UBIAD1: variants seen among roughly 807,000 people sequenced by gnomAD.
UBIAD1 encodes ubiA prenyltransferase domain-containing protein 1.
A neutral mutation model predicts 20.1 loss-of-function variants in UBIAD1; 12 were observed. The ratio of observed to expected loss-of-function variants is 0.60; its 90% CI spans 0.38 to 0.97. The LOEUF (loss-of-function observed/expected upper bound fraction) is 0.97. UBIAD1 is among the 50% of genes least tolerant of loss of function. UBIAD1 has a pLI of 0.00. For missense variants in UBIAD1, 333 were observed against 419.5 expected (o/e 0.79, Z 1.80); for synonymous variants, 207 against 189.2 (o/e 1.09, Z -0.77).
intron 1 of UBIAD1, among the ~76,000 whole-genome samples, chr1:11,274,610 A>AT (rs567113913): frequency 8.1e-4 from 97 of 120,020 alleles, no homozygotes; most frequent in African/African-American, 1.5e-3. Flanking sequence ...ACATTTTTTA[A>AT]TTTTTTTTAT....
Position 11,285,901 on chromosome 1 carries a change from A to C in UBIAD1, c.787A>C (p.Thr263Pro), listed in dbSNP as rs942182638. The C allele has an allele frequency of 6.2e-7, 1 of 1,614,042 alleles. No individual in the cohort carries two copies. The highest frequency in any genetic ancestry group is 1.7e-5 in the Admixed American group (1 of 60,020). Residue 263 changes from threonine (T) to proline (P), a missense_variant, in exon 2 of 2, where the codon ACA (threonine) becomes CCA (proline). Thr to Pro is a conservative substitution (Grantham distance 38, BLOSUM62 -1). Around this residue, in one of 3 missense-constraint regions of UBIAD1, gnomAD observed 226 missense variants for 263.5 expected, o/e 0.86. Coordinates refer to ENST00000376810, the MANE Select transcript of UBIAD1 (RefSeq NM_013319.3). This position sits in a 1 kb window ranked among gnomAD's most constrained non-coding sequence, Gnocchi z 4.4. ...CACGTTCTCCTACATTCTCTACAAC[A>C]CACTGCTCTTCCTGCCCTACCTGGT... ...GPTFSYILYN[T>P]LLFLPYLVFS...
chr1:11,277,424 T>TGCCC (rs1488119692), intron 1 of UBIAD1, among the ~76,000 whole-genome samples: 1 of 151,254 alleles, frequency 6.6e-6, no homozygotes, highest in Non-Finnish European at 1.5e-5. Flanking sequence ...GGATTACAGG[T>TGCCC]GCCCGCCTGG....
At chr1:11,296,066 A>G (rs1638442648), downstream of UBIAD1, 1 of 152,192 alleles carries the variant, frequency 6.6e-6, no homozygotes, top group Admixed American at 6.5e-5. Context: ...TTCACTATCT[A>G]TGACTAGATC....
chr1:11,284,819 G>A (rs1172413349), intron 1 of UBIAD1, among the ~76,000 whole-genome samples: 2 of 152,060 alleles, frequency 1.3e-5, no homozygotes, highest in Non-Finnish European at 2.9e-5. Context: ...GATTAGATTA[G>A]GGATGGAGAG....
At chr1:11,295,154 C>A in exon 2 of UBIAD1, 1 of 531,024 alleles carries the variant, frequency 1.9e-6, no homozygotes, top group South Asian at 2.4e-5. Flanking sequence ...TAAACAACGA[C>A]CACAGAACAT....
intron 1 of UBIAD1, among the ~76,000 whole-genome samples, chr1:11,276,140 G>A (rs1246830358): frequency 6.6e-6 from 1 of 152,124 alleles, no homozygotes; most frequent in Admixed American, 6.6e-5. Context: ...AAGGGTAGAG[G>A]CAGGAAGACC....
At position 11,273,391 on chromosome 1, in the gene UBIAD1, C is replaced by A; in HGVS notation, c.-141C>A. The A allele has an allele frequency of 1.9e-6, 2 of 1,066,676 alleles. No homozygotes were observed. The highest frequency in any genetic ancestry group is 1.6e-5 in the African/African-American group (1 of 63,686). 66.1% of individuals were successfully genotyped at this position (1,066,676 alleles called of 1,614,324 possible). On this transcript the variant is annotated 5_prime_UTR_variant, in exon 1 of 2. Transcript: ENST00000376810. The surrounding 1 kb of genome is among the most constrained non-coding windows in gnomAD (Gnocchi z 4.9). ...AGACCCACTTGCTGTTGCCCCCGGACCTTGCCGCCACACCAGCCCTGTCCT... is the reference window on the plus strand; with the variant it reads ...AGACCCACTTGCTGTTGCCCCCGGAACTTGCCGCCACACCAGCCCTGTCCT...
downstream of UBIAD1, among the ~76,000 whole-genome samples, chr1:11,292,415 T>A (rs1445459638): frequency 6.6e-6 from 1 of 152,048 alleles, no homozygotes; most frequent in Non-Finnish European, 1.5e-5. Context: ...AAAAGATGAT[T>A]CCTCGTCAGG....
chr1:11,289,770 G>A (rs541446173), downstream of UBIAD1, among the ~76,000 whole-genome samples: 2 of 151,918 alleles, frequency 1.3e-5, no homozygotes, highest in South Asian at 2.1e-4. Context: ...TCACTCTGTC[G>A]CACGGGCTAG....
At chr1:11,292,630 G>T (rs1457006230), downstream of UBIAD1, among the ~76,000 whole-genome samples, 1 of 151,132 alleles carries the variant, frequency 6.6e-6, no homozygotes, top group African/African-American at 2.4e-5. Context: ...AACAGGAACA[G>T]CTGTGATTGA....
In UBIAD1 at chr1:11,285,968, T is replaced by C. The variant is rs1638256180; in HGVS notation, c.854T>C (p.Leu285Pro). ...LATHCTISLA[L>P]PLLTIPMAFS... ...ACACACTGCACCATCAGCCTGGCACTCCCCCTGCTTACCATTCCCATGGCC... is the reference window on the plus strand; with the variant it reads ...ACACACTGCACCATCAGCCTGGCACCCCCCCTGCTTACCATTCCCATGGCC... Residue 285 changes from leucine to proline, a missense_variant, in exon 2 of 2, where the codon CTC becomes CCC. Leu to Pro is a moderately conservative substitution (Grantham distance 98, BLOSUM62 -3). This residue lies in a region of UBIAD1 where 226 missense variants were observed against 263.5 expected (regional missense o/e 0.86). Transcript: ENST00000376810. This position sits in a 1 kb window ranked among gnomAD's most constrained non-coding sequence, Gnocchi z 4.4. The C allele has an allele frequency of 6.2e-7, 1 of 1,614,156 alleles. No individual in the cohort carries two copies. Among genetic ancestry groups the C allele is most frequent in the Non-Finnish European group, 8.5e-7 (1 of 1,180,018 alleles).
At position 11,286,256 on chromosome 1, in the gene UBIAD1, T is replaced by C; in HGVS notation, c.*125T>C. On this transcript the variant is annotated 3_prime_UTR_variant, in exon 2 of 2. Transcript: ENST00000376810. ...AGCATGGGTGGGAACTCCTGCCTTA[T>C]AAAAATTGTTTTTGTGTTCTTAAAG... is the stretch of plus-strand genomic sequence containing the variant. The C allele has an allele frequency of 7.8e-7, 1 of 1,286,856 alleles. No homozygotes were observed. The highest frequency in any genetic ancestry group is 1.1e-6 in the Non-Finnish European group (1 of 922,716). The allele number at this position is 1,286,856 out of a possible 1,614,324, so 79.7% of individuals were successfully genotyped here.
intron 1 of UBIAD1, among the ~76,000 whole-genome samples, chr1:11,281,849 T>A (rs756752454): frequency 8.6e-5 from 13 of 151,730 alleles, no homozygotes; most frequent in Non-Finnish European, 1.5e-4. Context: ...TATGTATGTG[T>A]ATTTATTTCA....
chr1:11,295,058 G>A, exon 2 of UBIAD1: 6 of 669,378 alleles, frequency 9.0e-6, no homozygotes, highest in Non-Finnish European at 1.6e-5. Flanking sequence ...ACAATTGTAT[G>A]CATGTTCAGG....
Position 11,273,275 on chromosome 1 carries a change from C to G in UBIAD1, c.-257C>G. ...CTAAAGAAGGCGGCCGCGGCTCAGC[C>G]GTGGGCTCTAACGCGGGGCTGGGGG... On this transcript the variant is annotated 5_prime_UTR_variant, in exon 1 of 2. Coordinates refer to ENST00000376810, the MANE Select transcript of UBIAD1 (RefSeq NM_013319.3). The surrounding 1 kb of genome is among the most constrained non-coding windows in gnomAD (Gnocchi z 4.9). The G allele has an allele frequency of 9.2e-6, 5 of 545,586 alleles. No individual in the cohort carries two copies. The allele number at this position is 545,586 out of a possible 1,614,324, so 33.8% of individuals were successfully genotyped here.
chr1:11,280,335 C>T (rs1466808154), intron 1 of UBIAD1, among the ~76,000 whole-genome samples: 2 of 152,232 alleles, frequency 1.3e-5, no homozygotes, highest in Middle Eastern at 3.4e-3. Context: ...TCATGGCGAT[C>T]TTAACCAGTC....
At chr1:11,297,924 A>G (rs577010931), downstream of UBIAD1, among the ~76,000 whole-genome samples, 11 of 152,026 alleles carry the variant, frequency 7.2e-5, no homozygotes, top group African/African-American at 2.2e-4. Context: ...GTTTTACCAG[A>G]GTTGTTACTA....
In UBIAD1 at chr1:11,273,511, C is replaced by T. The variant is rs1411922649; in HGVS notation, c.-21C>T. ...GTGCGTGGCTCACTTTTAGAGTTTACTTCAACCACGTGGAGCTTCCATGGC... is the reference window on the plus strand; with the variant it reads ...GTGCGTGGCTCACTTTTAGAGTTTATTTCAACCACGTGGAGCTTCCATGGC... On this transcript the variant is annotated 5_prime_UTR_variant, in exon 1 of 2. Coordinates refer to ENST00000376810, the MANE Select transcript of UBIAD1 (RefSeq NM_013319.3). The surrounding 1 kb of genome is among the most constrained non-coding windows in gnomAD (Gnocchi z 4.9). 10 of 1,610,644 alleles carry T rather than the reference C, an allele frequency of 6.2e-6. No individual in the cohort carries two copies. The highest frequency in any genetic ancestry group is 2.7e-5 in the African/African-American group (2 of 74,876).
chr1:11,278,731 T>C (rs1569894017), intron 1 of UBIAD1: 1 of 827,782 alleles, frequency 1.2e-6, no homozygotes, highest in Non-Finnish European at 1.9e-6. Context: ...GTCATTTTGC[T>C]AACACTGGTG....
Sources: allele counts gnomAD v4.1 joint callset (sites outside exome capture counted in the v4.1 genomes callset), GRCh38; gene constraint gnomAD v4.1.1; regional missense constraint gnomAD v4.1.1; non-coding constraint Gnocchi (gnomAD v3.1); transcripts MANE v1.5; gene names NCBI Gene and HGNC (gene_info 2026-07-23, HGNC 2026-07-21).